PA2G4: variants seen among roughly 807,000 people sequenced by gnomAD.
PA2G4 encodes proliferation-associated 2G4.
PA2G4 carries 8 observed loss-of-function variants against 53.3 expected under a neutral mutation model. The ratio of observed to expected loss-of-function variants is 0.15; its 90% CI spans 0.09 to 0.27. The LOEUF is 0.27. Ranked by LOEUF, PA2G4 falls within the 10% of genes least tolerant of loss-of-function variation. PA2G4 has a pLI of 1.00. For synonymous variants in PA2G4, 143 were observed against 169.8 expected (o/e 0.84, Z 1.23); for missense variants, 208 against 486.8 (o/e 0.43, Z 5.39).
chr12:56,109,320 T>C (rs763029497), intron 6 of PA2G4, 27 bp downstream of exon 6: 12 of 1,579,608 alleles, frequency 7.6e-6, no homozygotes, highest in Non-Finnish European at 9.6e-6. Context: ...GGGTTGAGGG[T>C]CTAAGAATGA....
rs1399007062 is a variant in PA2G4 at position 56,113,295 on chromosome 12, C to T, written c.*407C>T. Reference sequence around the variant, plus strand: ...TTTTTTTATACCACTCTGATGTCAGCATTTTTTCCATCTGTTTGGGGCTTT... The same window carrying T: ...TTTTTTTATACCACTCTGATGTCAGTATTTTTTCCATCTGTTTGGGGCTTT... On this transcript the variant is annotated 3_prime_UTR_variant, in exon 13 of 13. Coordinates refer to ENST00000303305, the MANE Select transcript of PA2G4 (RefSeq NM_006191.3). 1.2e-5 allele frequency: 2 copies of T among 168,060 alleles called. No homozygotes were observed. The highest frequency in any genetic ancestry group is 2.5e-5 in the Non-Finnish European group (2 of 79,102). The allele number at this position is 168,060 out of a possible 1,614,324, so 10.4% of individuals were successfully genotyped here. A position where few individuals can be genotyped will look rare whatever the true frequency, so the allele number is the denominator to read the frequency against.
intron 12 of PA2G4, among the ~76,000 whole-genome samples, chr12:56,112,124 G>A (rs999650089): frequency 1.3e-5 from 2 of 152,262 alleles, no homozygotes; most frequent in East Asian, 3.9e-4. Context: ...CCAAAAAAGA[G>A]ATGATCTCAC....
In PA2G4 at chr12:56,113,050, A is replaced by G; in HGVS notation, c.*162A>G. The stretch of plus-strand genomic sequence containing the variant: ...CCCAACCCACTCCCTTCCAACAACA[A>G]CCAGCTCCAACTGACTCTGGTCTTG... On this transcript the variant is annotated 3_prime_UTR_variant, in exon 13 of 13. Coordinates refer to ENST00000303305, the MANE Select transcript of PA2G4 (RefSeq NM_006191.3). 1 of 482,424 alleles carries G rather than the reference A, an allele frequency of 2.1e-6. No homozygotes were observed. The highest frequency in any genetic ancestry group is 3.6e-6 in the Non-Finnish European group (1 of 276,922). The allele number at this position is 482,424 out of a possible 1,614,324, so 29.9% of individuals were successfully genotyped here.
At chr12:56,111,642 A>G (rs1869428041) in intron 12 of PA2G4, 113 bp downstream of exon 12, 2 of 897,054 alleles carry the variant, frequency 2.2e-6, no homozygotes, top group Middle Eastern at 3.5e-4. Flanking sequence ...CTCAACTTAT[A>G]TGATAGAACT....
intron 12 of PA2G4, among the ~76,000 whole-genome samples, chr12:56,112,188 A>G (rs1014472435): frequency 2.6e-5 from 4 of 152,128 alleles, no homozygotes; most frequent in African/African-American, 4.8e-5. Flanking sequence ...TGTATCCTCA[A>G]ACTCCTCCTG....
chr12:56,105,120 TC>T, intron 1 of PA2G4: 1 of 650,658 alleles, frequency 1.5e-6, no homozygotes, highest in Non-Finnish European at 2.8e-6. Context: ...TTTCTCTTGT[TC>T]CTATCCTTCA....
In PA2G4 at chr12:56,112,973, C is replaced by A; in HGVS notation, c.*85C>A. 1 of 873,446 alleles carries A rather than the reference C, an allele frequency of 1.1e-6. No homozygotes were observed. The highest frequency in any genetic ancestry group is 1.7e-6 in the Non-Finnish European group (1 of 581,276). The allele number at this position is 873,446 out of a possible 1,614,324, so 54.1% of individuals were successfully genotyped here. The stretch of plus-strand genomic sequence containing the variant: ...GACTCTGTGAAGTGCAGTTCTTCTC[C>A]ACCTAGGACCGCCAGCAGAGCGGGG... On this transcript the variant is annotated 3_prime_UTR_variant, in exon 13 of 13. Coordinates refer to ENST00000303305, the MANE Select transcript of PA2G4 (RefSeq NM_006191.3).
chr12:56,110,246 G>C (rs1470330052), intron 7 of PA2G4, among the ~76,000 whole-genome samples, 153 bp from the exon 8 acceptor site: 2 of 152,028 alleles, frequency 1.3e-5, no homozygotes, highest in African/African-American at 4.8e-5. Context: ...TATAGTCCCA[G>C]CTACTTGGGA....
At chr12:56,112,791 A>G (rs777001780) in intron 12 of PA2G4, 32 bp from the exon 13 acceptor site, 2 of 1,441,602 alleles carry the variant, frequency 1.4e-6, no homozygotes, top group Non-Finnish European at 1.9e-6. Flanking sequence ...AGAAACTGAC[A>G]GGTCTTCTCC....
At position 56,109,217 on chromosome 12, in the gene PA2G4, G is replaced by A; in HGVS notation, c.487-13G>A. On this transcript the variant is annotated splice_polypyrimidine_tract_variant and intron_variant, in intron 5 of 12. Transcript: ENST00000303305. The stretch of plus-strand genomic sequence containing the variant: ...CCTGATATCTCACCTTTCATTTGAT[G>A]TTGTACTTCTAGAACACACAAGTGA... 2 of 1,590,786 alleles carry A rather than the reference G, an allele frequency of 1.3e-6. No individual in the cohort carries two copies. Among genetic ancestry groups the A allele is most frequent in the South Asian group, 2.2e-5 (2 of 90,612 alleles).
In PA2G4 at chr12:56,106,597, G is replaced by C. The variant is rs772926383; in HGVS notation, c.98G>C (p.Arg33Pro). ...MGGDIANRVL[R>P]SLVEASSSGV... Reference sequence around the variant, plus strand: ...GGGATTCTGTCCTCAGGGGTACTTCGGTCCTTGGTGGAAGCATCTAGCTCA... The same window carrying C: ...GGGATTCTGTCCTCAGGGGTACTTCCGTCCTTGGTGGAAGCATCTAGCTCA... Residue 33 changes from arginine to proline, a missense_variant, in exon 2 of 13, where the codon CGG (arginine) becomes CCG (proline). Transcript: ENST00000303305. 1 of 1,577,480 alleles carries C rather than the reference G, an allele frequency of 6.3e-7. No homozygotes were observed. Among genetic ancestry groups the C allele is most frequent in the African/African-American group, 1.4e-5 (1 of 72,706 alleles).
intron 1 of PA2G4, 59 bp from the exon 2 acceptor site, chr12:56,106,529 T>C (rs112596013): frequency 1.4e-6 from 2 of 1,450,052 alleles, no homozygotes; most frequent in African/African-American, 1.4e-5. Context: ...AGGTATTCCT[T>C]GGGTGGTAAC....
In PA2G4 at chr12:56,111,225, C is replaced by A. The variant is rs1869415102; in HGVS notation, c.981C>A (p.Pro327=). 6.2e-7 allele frequency: 1 copy of A among 1,613,976 alleles called. No individual in the cohort carries two copies. Among genetic ancestry groups the A allele is most frequent in the African/African-American group, 1.3e-5 (1 of 74,906 alleles). The stretch of plus-strand genomic sequence containing the variant: ...TTAAATTTACAGTTCTGCTCATGCC[C>A]AATGGCCCCATGCGGATAACCAGTG... ...AQFKFTVLLM[P]NGPMRITSGP... Residue 327 remains proline, a synonymous_variant, in exon 11 of 13, where the codon CCC becomes CCA. Coordinates refer to ENST00000303305, the MANE Select transcript of PA2G4 (RefSeq NM_006191.3).
chr12:56,110,739 T>C (rs1869403142), intron 9 of PA2G4, 47 bp downstream of exon 9: 1 of 1,609,494 alleles, frequency 6.2e-7, no homozygotes, highest in African/African-American at 1.3e-5. Flanking sequence ...TCACAGACCA[T>C]ACACCCAGGA....
In PA2G4 at chr12:56,110,945, A is replaced by G. The variant is rs1429447900; in HGVS notation, c.843-19A>G. ...GATGGGGAGTTAAAGATACCTCTGA[A>G]TATCATCTTCCCTGCCAGAGCATTT... On this transcript the variant is annotated intron_variant, in intron 9 of 12. Transcript: ENST00000303305. The G allele has an allele frequency of 1.2e-6, 2 of 1,607,806 alleles. No homozygotes were observed. The highest frequency in any genetic ancestry group is 1.7e-6 in the Non-Finnish European group (2 of 1,176,076).
chr12:56,110,663 G>A lies in PA2G4; in HGVS notation c.813G>A (p.Arg271=). The A allele has an allele frequency of 2.5e-6, 4 of 1,614,172 alleles. No homozygotes were observed. Among genetic ancestry groups the A allele is most frequent in the Non-Finnish European group, 3.4e-6 (4 of 1,180,022 alleles). ...GTGCCTTCTTCAGTGAGGTGGAAAG[G>A]CGTTTTGATGCCATGCCGTTTACTT... The part of the protein sequence containing the change: ...TSRAFFSEVE[R]RFDAMPFTLR... The change falls in exon 9 of 13, where the codon AGG becomes AGA. Residue 271 remains arginine (R), a synonymous_variant. Coordinates refer to ENST00000303305, the MANE Select transcript of PA2G4 (RefSeq NM_006191.3).
intron 1 of PA2G4, chr12:56,105,142 T>G: frequency 1.7e-6 from 1 of 589,664 alleles, no homozygotes. Flanking sequence ...TTCCCGATTA[T>G]TGCTTCCTCT....
intron 9 of PA2G4, 125 bp downstream of exon 9, chr12:56,110,817 C>T (rs1245146075): frequency 3.0e-6 from 4 of 1,326,916 alleles, no homozygotes; most frequent in Non-Finnish European, 3.2e-6. Context: ...CCTCTCTCTC[C>T]CCATCTCCTT....
intron 1 of PA2G4, among the ~76,000 whole-genome samples, chr12:56,106,005 T>C (rs1869291646): frequency 6.6e-6 from 1 of 152,214 alleles, no homozygotes; most frequent in African/African-American, 2.4e-5. Flanking sequence ...CCTTTTAGTA[T>C]TTGAGATACT....
Sources: gnomAD v4.1 joint callset for allele counts (sites outside exome capture counted in the v4.1 genomes callset) on GRCh38, gnomAD v4.1.1 for gene constraint, MANE v1.5 for transcripts, NCBI Gene and HGNC (gene_info 2026-07-23, HGNC 2026-07-21) for gene names.